PALS1: variants seen among roughly 807,000 people sequenced by gnomAD.
PALS1 encodes the protein protein PALS1.
In PALS1, 31 loss-of-function variants were observed where a neutral mutation model predicts 78.9. The ratio of observed to expected loss-of-function variants is 0.39; its 90% CI spans 0.30 to 0.53. The LOEUF (loss-of-function observed/expected upper bound fraction) is 0.53. PALS1 is among the 20% of genes least tolerant of loss of function. The probability of loss-of-function intolerance (pLI) is 0.67; values close to 1 mark genes in which losing one functional copy is unlikely to be tolerated. For missense variants in PALS1, 704 were observed against 826.5 expected (o/e 0.85, Z 1.82); for synonymous variants, 276 against 270.9 (o/e 1.02, Z -0.18).
chr14:67,300,292 C>A (rs2140883018), intron 4 of PALS1, among the ~76,000 whole-genome samples: 1 of 151,130 alleles, frequency 6.6e-6, no homozygotes, highest in East Asian at 1.9e-4. Context: ...TTTAAAATAG[C>A]CATAAAAGGT....
At position 67,285,444 on chromosome 14, in the gene PALS1, G is replaced by C. The variant is rs551332080; in HGVS notation, c.367+5907G>C. Among the ~76,000 whole-genome samples the C allele has an allele frequency of 2.4e-4, 36 of 148,536 alleles. No individual in the cohort carries two copies. In the Admixed American group the frequency reaches 2.5e-3, roughly 10 times the overall value. On this transcript the variant is annotated intron_variant, in intron 3 of 14. Coordinates refer to ENST00000261681, the MANE Select transcript of PALS1 (RefSeq NM_022474.4). ...TGCAGTGGCGCGATCTCGGCTCACTGCAAGCTCCACCTCCCAGGTTCACAC... is the reference window on the plus strand; with the variant it reads ...TGCAGTGGCGCGATCTCGGCTCACTCCAAGCTCCACCTCCCAGGTTCACAC...
rs1049781117 is a variant in PALS1 at position 67,301,371 on chromosome 14, T to G, written c.577-18T>G. Reference sequence around the variant, plus strand: ...TTCCTATAATCTAGGAAGAATAATCTTTATTTTTGTTTCTTAGGTACAAAC... The same window carrying G: ...TTCCTATAATCTAGGAAGAATAATCGTTATTTTTGTTTCTTAGGTACAAAC... On this transcript the variant is annotated intron_variant, in intron 4 of 14. Transcript: ENST00000261681. 13 of 1,579,844 alleles carry G rather than the reference T, an allele frequency of 8.2e-6. No individual in the cohort carries two copies. In the African/African-American group the frequency reaches 1.2e-4, roughly 15 times the overall value.
chr14:67,251,526 G>A (rs767435920), intron 1 of PALS1, among the ~76,000 whole-genome samples: 1 of 152,068 alleles, frequency 6.6e-6, no homozygotes, highest in African/African-American at 2.4e-5. Context: ...GCAACAGAAC[G>A]AGAACCTGTC....
At chr14:67,308,611 T>A (rs955665769) in intron 8 of PALS1, among the ~76,000 whole-genome samples, 15 of 149,874 alleles carry the variant, frequency 1.0e-4, no homozygotes, top group Admixed American at 4.7e-4. Flanking sequence ...AATGGTGCCA[T>A]CTTGGCTCAC....
Position 67,289,607 on chromosome 14 carries a change from C to T in PALS1, c.368-2904C>T, listed in dbSNP as rs1009828094. Among the ~76,000 whole-genome samples the T allele has an allele frequency of 5.9e-5, 9 of 151,950 alleles. No homozygotes were observed. In the South Asian group the frequency reaches 6.2e-4, roughly 11 times the overall value. Reference sequence around the variant, plus strand: ...TTTTGATTTGGGGCGGGAAAGATAGCGAACCTCAAGAATCAACCAAAGAAC... The same window carrying T: ...TTTTGATTTGGGGCGGGAAAGATAGTGAACCTCAAGAATCAACCAAAGAAC... On this transcript the variant is annotated intron_variant, in intron 3 of 14. Transcript: ENST00000261681.
Position 67,334,413 on chromosome 14 carries a change from T to C in PALS1, c.*1457T>C, listed in dbSNP as rs532635018. The C allele has an allele frequency of 6.5e-6, 1 of 152,672 alleles. No individual in the cohort carries two copies. The highest frequency in any genetic ancestry group is 1.5e-5 in the Non-Finnish European group (1 of 68,038). The allele number at this position is 152,672 out of a possible 1,614,324, so 9.5% of individuals were successfully genotyped here. On this transcript the variant is annotated 3_prime_UTR_variant, in exon 15 of 15. Coordinates refer to ENST00000261681, the MANE Select transcript of PALS1 (RefSeq NM_022474.4). ...CTTGATTTTATTTTTATGGTGACTT[T>C]AGCTACAGCATTTCCTATACCCAGA...
intron 1 of PALS1, among the ~76,000 whole-genome samples, chr14:67,243,220 G>T (rs1440589550): frequency 2.7e-5 from 4 of 150,900 alleles, no homozygotes; most frequent in Admixed American, 2.6e-4. Context: ...ACATAGTCTC[G>T]CTCTTGCCCA....
intron 8 of PALS1, chr14:67,311,968 C>T (rs1194659893): frequency 3.3e-5 from 5 of 152,586 alleles, no homozygotes; most frequent in Admixed American, 3.3e-4. Context: ...ATGACAGCCC[C>T]AGGGAAGCTC....
At chr14:67,330,922 A>G (rs1292695150) in intron 14 of PALS1, among the ~76,000 whole-genome samples, 2 of 152,022 alleles carry the variant, frequency 1.3e-5, no homozygotes, top group Admixed American at 6.5e-5. Context: ...TTATGGCCCA[A>G]CATCTGTTCT....
In PALS1 at chr14:67,333,630, ACT is replaced by A. The variant is rs1491380481; in HGVS notation, c.*677_*678del. The A allele has an allele frequency of 6.6e-6, 1 of 152,424 alleles. No homozygotes were observed. Among genetic ancestry groups the A allele is most frequent in the African/African-American group, 2.4e-5 (1 of 41,382 alleles). 9.4% of individuals were successfully genotyped at this position (152,424 alleles called of 1,614,324 possible). On this transcript the variant is annotated 3_prime_UTR_variant, in exon 15 of 15. Coordinates refer to ENST00000261681, the MANE Select transcript of PALS1 (RefSeq NM_022474.4). ...GTGGATCAGACTCTACACTCAACAC[ACT>A]CTAATCTACTTAAAGGTATACAAAA...
intron 1 of PALS1, among the ~76,000 whole-genome samples, chr14:67,255,920 C>T (rs370129653): frequency 1.3e-5 from 2 of 152,348 alleles, no homozygotes; most frequent in African/African-American, 4.8e-5. Context: ...CTCCTGACCT[C>T]AAGTGATCCA....
intron 4 of PALS1, among the ~76,000 whole-genome samples, chr14:67,297,336 TATCTC>T (rs2084872011): frequency 6.6e-6 from 1 of 152,206 alleles, no homozygotes; most frequent in Non-Finnish European, 1.5e-5. Flanking sequence ...TGCACACACA[TATCTC>T]ATTTAAACTG....
At chr14:67,322,202 G>C (rs1234125889) in intron 13 of PALS1, among the ~76,000 whole-genome samples, 1 of 152,036 alleles carries the variant, frequency 6.6e-6, no homozygotes, top group East Asian at 1.9e-4. Context: ...AAAAAAATTA[G>C]CCAGGTGTGG....
At chr14:67,330,307 T>C (rs1248683160) in intron 14 of PALS1, among the ~76,000 whole-genome samples, 2 of 151,892 alleles carry the variant, frequency 1.3e-5, no homozygotes, top group Non-Finnish European at 2.9e-5. Flanking sequence ...TTTCTCAAGA[T>C]GAATGCTTAA....
chr14:67,292,959 T>C (rs1389987672), intron 4 of PALS1, among the ~76,000 whole-genome samples: 2 of 152,152 alleles, frequency 1.3e-5, no homozygotes, highest in African/African-American at 4.8e-5. Flanking sequence ...TAATCATAAA[T>C]TTGGATAGTA....
intron 2 of PALS1, among the ~76,000 whole-genome samples, chr14:67,272,699 C>T (rs1451213249): frequency 6.6e-6 from 1 of 152,182 alleles, no homozygotes; most frequent in African/African-American, 2.4e-5. Context: ...CGCGCTGTCT[C>T]CCAGGCTGGA....
At chr14:67,328,946 G>A (rs1018473953) in intron 14 of PALS1, among the ~76,000 whole-genome samples, 3 of 152,138 alleles carry the variant, frequency 2.0e-5, no homozygotes, top group Non-Finnish European at 1.5e-5. Flanking sequence ...GCTTAGGGTT[G>A]TCTTGGCAAT....
intron 11 of PALS1, among the ~76,000 whole-genome samples, chr14:67,318,826 G>A (rs2085217641): frequency 6.6e-6 from 1 of 152,096 alleles, no homozygotes; most frequent in Non-Finnish European, 1.5e-5. Context: ...GGGAGGCCGA[G>A]GCAGGCGGAT....
intron 8 of PALS1, among the ~76,000 whole-genome samples, chr14:67,308,546 C>CTTTTTT (rs375911648): frequency 7.6e-6 from 1 of 131,836 alleles, no homozygotes; most frequent in African/African-American, 2.8e-5. Flanking sequence ...TTTTCTTTTT[C>CTTTTTT]TTTTTTTTTT....
Sources: gnomAD v4.1 joint callset for allele counts (sites outside exome capture counted in the v4.1 genomes callset) on GRCh38, gnomAD v4.1.1 for gene constraint, MANE v1.5 for transcripts, NCBI Gene and HGNC (gene_info 2026-07-23, HGNC 2026-07-21) for gene names.